The following TCF12 variants were observed in gnomAD, a reference collection of about 807,000 sequenced individuals.
TCF12 encodes transcription factor 12.
In TCF12, 45 loss-of-function variants were observed where a neutral mutation model predicts 86.0. That is an observed-to-expected ratio of 0.52 (90% CI 0.41 to 0.67). The LOEUF is 0.67. Among genes scored for constraint, TCF12 ranks in the 30% least tolerant of loss-of-function variants. The pLI is 0.00. For missense variants in TCF12, 881 were observed against 859.9 expected (o/e 1.02, Z -0.31); for synonymous variants, 330 against 299.6 (o/e 1.10, Z -1.05).
At chr15:57,013,817 A>G (rs910117221) in intron 3 of TCF12, among the ~76,000 whole-genome samples, 1 of 152,246 alleles carries the variant, frequency 6.6e-6, no homozygotes, top group Non-Finnish European at 1.5e-5. Context: ...GAATAATTGC[A>G]TAAGATATAA....
chr15:57,242,931 A>T (rs751601181), intron 12 of TCF12, among the ~76,000 whole-genome samples: 9 of 152,222 alleles, frequency 5.9e-5, no homozygotes, highest in Non-Finnish European at 1.3e-4. Context: ...GAATAAGTTT[A>T]ATGTTTTACA....
intron 3 of TCF12, among the ~76,000 whole-genome samples, chr15:57,050,546 C>T (rs911493632): frequency 1.3e-5 from 2 of 152,088 alleles, no homozygotes; most frequent in Non-Finnish European, 2.9e-5. Flanking sequence ...TTGTAGTTCT[C>T]TCCTACTTAG....
intron 5 of TCF12, among the ~76,000 whole-genome samples, chr15:57,118,769 A>C (rs1235172674): frequency 1.3e-5 from 2 of 152,216 alleles, no homozygotes; most frequent in Non-Finnish European, 2.9e-5. Context: ...GTGTAAAGGC[A>C]ATCTAAGTGT....
At chr15:57,240,855 G>C (rs1474525194) in intron 12 of TCF12, among the ~76,000 whole-genome samples, 1 of 126,288 alleles carries the variant, frequency 7.9e-6, no homozygotes, top group Non-Finnish European at 1.6e-5. Context: ...ATTCCAGCCT[G>C]GGTGACAGAG....
intron 3 of TCF12, among the ~76,000 whole-genome samples, chr15:56,977,269 A>T (rs1203292740): frequency 1.3e-5 from 2 of 152,104 alleles, no homozygotes; most frequent in Non-Finnish European, 2.9e-5. Flanking sequence ...GTGGTGGCTT[A>T]TGCCTGTAAT....
chr15:57,170,779 A>T (rs1282663165), intron 6 of TCF12, among the ~76,000 whole-genome samples: 1 of 9,570 alleles, frequency 1.0e-4, no homozygotes, highest in Non-Finnish European at 1.6e-4. Flanking sequence ...ATTATATATA[A>T]TATATATATA....
intron 8 of TCF12, among the ~76,000 whole-genome samples, chr15:57,213,137 G>A (rs1165513469): frequency 6.6e-6 from 1 of 152,168 alleles, no homozygotes; most frequent in Non-Finnish European, 1.5e-5. Flanking sequence ...TGCTTGTTTT[G>A]CGTTGTTCTT....
chr15:57,067,109 C>G (rs369814004), intron 4 of TCF12, among the ~76,000 whole-genome samples: 14 of 152,166 alleles, frequency 9.2e-5, no homozygotes, highest in East Asian at 3.9e-4. Flanking sequence ...TGTGTCTGCC[C>G]TTGCTTTTAC....
intron 4 of TCF12, among the ~76,000 whole-genome samples, chr15:57,082,322 G>T (rs1474155290): frequency 6.6e-6 from 1 of 152,164 alleles, no homozygotes; most frequent in Non-Finnish European, 1.5e-5. Flanking sequence ...CACAACACTG[G>T]CTATCAAGAT....
intron 3 of TCF12, among the ~76,000 whole-genome samples, chr15:56,970,410 G>T (rs776857488): frequency 6.7e-6 from 1 of 150,022 alleles, no homozygotes; most frequent in Non-Finnish European, 1.5e-5. Context: ...AATCCGGGAG[G>T]TGGAGGTTGC....
intron 8 of TCF12, among the ~76,000 whole-genome samples, chr15:57,200,512 A>G (rs554548418): frequency 1.1e-4 from 16 of 152,316 alleles, no homozygotes; most frequent in African/African-American, 3.4e-4. Flanking sequence ...TTTCCAAACC[A>G]TATTGGAAAT....
intron 8 of TCF12, among the ~76,000 whole-genome samples, chr15:57,203,105 A>T (rs12050758): frequency 6.6e-6 from 1 of 152,004 alleles, no homozygotes; most frequent in Non-Finnish European, 1.5e-5. Context: ...TAATGACTGC[A>T]TGGTAAATTG....
chr15:57,280,592 C>T (rs1233562335), intron 19 of TCF12, among the ~76,000 whole-genome samples: 1 of 152,006 alleles, frequency 6.6e-6, no homozygotes, highest in East Asian at 1.9e-4. Flanking sequence ...AAGGGGAATC[C>T]GGCACAGTGG....
chr15:57,121,985 T>C (rs747911795), intron 5 of TCF12, among the ~76,000 whole-genome samples: 7 of 151,926 alleles, frequency 4.6e-5, no homozygotes, highest in Non-Finnish European at 8.8e-5. Flanking sequence ...TAGAATAAAA[T>C]AGAGATTTTT....
intron 8 of TCF12, among the ~76,000 whole-genome samples, chr15:57,205,760 T>C (rs2057779852): frequency 6.6e-6 from 1 of 152,254 alleles, no homozygotes; most frequent in Admixed American, 6.5e-5. Flanking sequence ...CAGTAACCAC[T>C]GTTCAGAACA....
intron 19 of TCF12, among the ~76,000 whole-genome samples, chr15:57,278,829 T>TTCTCTTTC (rs2061543260): frequency 6.6e-6 from 1 of 150,682 alleles, no homozygotes; most frequent in Non-Finnish European, 1.5e-5. Flanking sequence ...TTTTCTTTCT[T>TTCTCTTTC]TCTCTTTCTC....
Position 56,969,052 on chromosome 15 carries a change from T to C in TCF12, c.148+47954T>C, listed in dbSNP as rs141606776. On this transcript the variant is annotated intron_variant, in intron 3 of 20. Transcript: ENST00000333725. ...GAGGAAGCAGTTATATGTATTTGTC[T>C]CAGGTGAGCCTCAGAGGGATGACTG... Among the ~76,000 whole-genome samples, 12 of 152,356 alleles carry C rather than the reference T, an allele frequency of 7.9e-5. No homozygotes were observed. The East Asian group carries it at 2.1e-3, about 27-fold the overall frequency.
intron 20 of TCF12, among the ~76,000 whole-genome samples, chr15:57,284,799 T>A (rs2061862863): frequency 6.6e-6 from 1 of 152,244 alleles, no homozygotes; most frequent in Admixed American, 6.5e-5. Context: ...CTTATTCTCA[T>A]CTCGTTTCCT....
At chr15:57,266,212 G>T (rs1404560312) in intron 18 of TCF12, among the ~76,000 whole-genome samples, 1 of 151,896 alleles carries the variant, frequency 6.6e-6, no homozygotes, top group Non-Finnish European at 1.5e-5. Context: ...CAAGTAGCTG[G>T]GATTACAGGC....
Sources: allele counts gnomAD v4.1 joint callset (sites outside exome capture counted in the v4.1 genomes callset), GRCh38; gene constraint gnomAD v4.1.1; transcripts MANE v1.5; gene names NCBI Gene and HGNC (gene_info 2026-07-23, HGNC 2026-07-21).